HYDIN: variants seen among roughly 807,000 people sequenced by gnomAD.
HYDIN encodes axonemal central pair apparatus protein HYDIN.
HYDIN carries 132 observed loss-of-function variants against 403.9 expected under a neutral mutation model. The ratio of observed to expected loss-of-function variants is 0.33; its 90% CI spans 0.28 to 0.38. The LOEUF (loss-of-function observed/expected upper bound fraction) is 0.38. HYDIN is among the 10% of genes least tolerant of loss of function. The pLI, the probability that HYDIN is intolerant of heterozygous loss-of-function variation, is 1.00. For missense variants in HYDIN, 2,827 were observed against 5,009.5 expected, an observed-to-expected ratio of 0.56 and a Z score of 13.15; for synonymous variants, 1,202 against 1,891.7, an observed-to-expected ratio of 0.64 and a Z score of 9.46.
At chr16:70,834,928 A>G (rs2037283847) in intron 78 of HYDIN, among the ~76,000 whole-genome samples, 1 of 148,932 alleles carries the variant, frequency 6.7e-6, no homozygotes, top group African/African-American at 2.5e-5. Flanking sequence ...ACACACATAT[A>G]TGTATATATA....
chr16:70,810,196 T>C (rs1240909119), intron 84 of HYDIN, among the ~76,000 whole-genome samples, 189 bp from the exon 85 acceptor site: 1 of 152,192 alleles, frequency 6.6e-6, no homozygotes, highest in Non-Finnish European at 1.5e-5. Context: ...TAGCTTTCTC[T>C]AGTTCAGGTG....
At chr16:70,955,329 G>C in intron 40 of HYDIN, 46 bp downstream of exon 40, 1 of 1,316,116 alleles carries the variant, frequency 7.6e-7, no homozygotes. Context: ...TGTCAGTGGG[G>C]GTGTTGGTGA....
rs561075637 is a variant in HYDIN, at chr16:70,954,503, C to G, written c.6316+872G>C. Among the ~76,000 whole-genome samples, 9 of 151,814 alleles carry G rather than the reference C, an allele frequency of 5.9e-5. No homozygotes were observed. The East Asian group carries it at 1.5e-3, about 26-fold the overall frequency. On this transcript the variant is annotated intron_variant, in intron 40 of 85. Coordinates refer to ENST00000393567, the MANE Select transcript of HYDIN (RefSeq NM_001270974.2). ...AAGAAAGAAAACAACCCCCCTCCCCCAAACCCAACCCAATTTATTTTCTTC... is the reference window on the plus strand; with the variant it reads ...AAGAAAGAAAACAACCCCCCTCCCCGAAACCCAACCCAATTTATTTTCTTC...
chr16:70,813,071 C>A (rs1490009716), intron 84 of HYDIN, among the ~76,000 whole-genome samples: 2 of 151,462 alleles, frequency 1.3e-5, no homozygotes, highest in East Asian at 3.9e-4. Flanking sequence ...ACTTGCCTCA[C>A]CCTCCTGAGT....
At chr16:70,938,207 G>C (rs1254581995) in intron 44 of HYDIN, among the ~76,000 whole-genome samples, 1 of 152,254 alleles carries the variant, frequency 6.6e-6, no homozygotes, top group African/African-American at 2.4e-5. Flanking sequence ...CAGGTCAATA[G>C]AGTGGACCCT....
At chr16:71,179,332 A>G (rs2086807683) in intron 3 of HYDIN, among the ~76,000 whole-genome samples, 1 of 148,084 alleles carries the variant, frequency 6.8e-6, no homozygotes, top group Non-Finnish European at 1.5e-5. Flanking sequence ...AAAATTTTTT[A>G]AATCCTGAAA....
chr16:70,896,345 A>G (rs2076202835), intron 53 of HYDIN, among the ~76,000 whole-genome samples: 1 of 151,640 alleles, frequency 6.6e-6, no homozygotes, highest in Non-Finnish European at 1.5e-5. Context: ...TGGGGTAGAC[A>G]TTACAGGAAA....
intron 83 of HYDIN, among the ~76,000 whole-genome samples, chr16:70,821,489 T>C (rs1330727656): frequency 2.6e-5 from 4 of 152,120 alleles, no homozygotes; most frequent in Non-Finnish European, 5.9e-5. Flanking sequence ...GACTGTTTCC[T>C]TTCCTTTCAT....
chr16:70,882,563 A>G (rs1345361768), intron 60 of HYDIN, 97 bp downstream of exon 60: 2 of 605,552 alleles, frequency 3.3e-6, no homozygotes, highest in Non-Finnish European at 5.9e-6. Flanking sequence ...GATAATTTCC[A>G]CTCACGCATA....
At chr16:70,830,820 G>A (rs919332816) in intron 80 of HYDIN, among the ~76,000 whole-genome samples, 4 of 152,136 alleles carry the variant, frequency 2.6e-5, no homozygotes, top group African/African-American at 9.7e-5. Context: ...TGAGAGATCG[G>A]GAGCTCAGGT....
At chr16:70,808,911 G>A (rs76721773) in intron 85 of HYDIN, among the ~76,000 whole-genome samples, 215 of 152,276 alleles carry the variant, frequency 1.4e-3, no homozygotes, top group African/African-American at 4.7e-3. Context: ...TGGCCCACGT[G>A]GACCAAAACA....
chr16:71,089,230 G>C (rs1441361088), intron 11 of HYDIN, among the ~76,000 whole-genome samples: 1 of 152,110 alleles, frequency 6.6e-6, no homozygotes, highest in African/African-American at 2.4e-5. Context: ...AAGAGCTCAT[G>C]CCTGAGCTCC....
intron 1 of HYDIN, among the ~76,000 whole-genome samples, chr16:71,219,538 A>C (rs1479768807): frequency 6.6e-6 from 1 of 152,204 alleles, no homozygotes; most frequent in East Asian, 1.9e-4. Context: ...ATGCTGGTTT[A>C]TTTGAACCAA....
chr16:70,967,475 A>T (rs1226110430), intron 36 of HYDIN, among the ~76,000 whole-genome samples: 2 of 149,980 alleles, frequency 1.3e-5, no homozygotes, highest in East Asian at 3.9e-4. Flanking sequence ...ATGTCCAGCT[A>T]AATTATTTTG....
chr16:70,927,016 C>T (rs946933492), intron 45 of HYDIN, among the ~76,000 whole-genome samples: 8 of 151,932 alleles, frequency 5.3e-5, no homozygotes, highest in Non-Finnish European at 8.8e-5. Context: ...TGCAAAAAGG[C>T]CTAGCACATT....
At chr16:71,111,571 T>G (rs1317022890) in intron 10 of HYDIN, among the ~76,000 whole-genome samples, 1 of 150,384 alleles carries the variant, frequency 6.6e-6, no homozygotes, top group East Asian at 2.0e-4. Flanking sequence ...ATAGCAGTAA[T>G]GTACCAAGCG....
chr16:71,067,782 T>C (rs555200478), intron 14 of HYDIN, among the ~76,000 whole-genome samples: 4 of 152,276 alleles, frequency 2.6e-5, no homozygotes, highest in South Asian at 4.1e-4. Flanking sequence ...TAAAACACTA[T>C]AGCACAAGTT....
At chr16:71,151,298 G>A (rs1408903123) in intron 7 of HYDIN, among the ~76,000 whole-genome samples, 2 of 151,974 alleles carry the variant, frequency 1.3e-5, no homozygotes, top group African/African-American at 4.8e-5. Flanking sequence ...GCATTGTTCT[G>A]CTGAGCAATG....
At chr16:71,134,004 T>C (rs1462153501) in intron 8 of HYDIN, among the ~76,000 whole-genome samples, 2 of 152,100 alleles carry the variant, frequency 1.3e-5, no homozygotes, top group African/African-American at 4.8e-5. Flanking sequence ...TCCCCAAACC[T>C]GGACATGTGT....
Sources: gnomAD v4.1 joint callset for allele counts (sites outside exome capture counted in the v4.1 genomes callset) on GRCh38, gnomAD v4.1.1 for gene constraint, MANE v1.5 for transcripts, NCBI Gene and HGNC (gene_info 2026-07-23, HGNC 2026-07-21) for gene names.